Variants in PRKCG observed in about 807,000 individuals in gnomAD.
The protein encoded by PRKCG is protein kinase C gamma.
Under a neutral mutation model 82.0 loss-of-function variants are expected in PRKCG, and 28 were observed. That is an observed-to-expected ratio of 0.34 (90% CI 0.25 to 0.47). The LOEUF is 0.47. Among genes scored for constraint, PRKCG ranks in the 20% least tolerant of loss-of-function variants. The probability of loss-of-function intolerance (pLI) is 1.00; values close to 1 mark genes in which losing one functional copy is unlikely to be tolerated. For synonymous variants in PRKCG, 383 were observed against 376.6 expected (o/e 1.02, Z -0.20); for missense variants, 640 against 952.7 (o/e 0.67, Z 4.32).
At position 53,902,912 on chromosome 19, in the gene PRKCG, A is replaced by AAC. The variant is rs1555808301; in HGVS notation, c.1576-160_1576-159insCA. The stretch of plus-strand genomic sequence containing the variant: ...TGTCAAAAAAAAAAAAAAAAAAAAA[A>AAC]AAAACGAAACAAAAAATCACCTGAT... On this transcript the variant is annotated intron_variant, in intron 14 of 17. Transcript: ENST00000263431. Among the ~76,000 whole-genome samples the AAC allele has an allele frequency of 4.1e-4, 61 of 149,808 alleles. 2 individuals are homozygous for AAC. The highest frequency in any genetic ancestry group is 1.5e-3 in the African/African-American group (60 of 40,002).
rs139506301 is a variant in PRKCG, at chr19:53,893,033, G to A, written c.867G>A (p.Pro289=). Residue 289 remains proline, a synonymous_variant, in exon 8 of 18, where the codon CCG becomes CCA. Coordinates refer to ENST00000263431, the MANE Select transcript of PRKCG (RefSeq NM_002739.5). ...NQEEGEYYNV[P]VADADNCSLL... ...AGGAGGGCGAGTATTACAATGTGCCGGTGGCCGATGCTGACAACTGCAGCC... is the reference window on the plus strand; with the variant it reads ...AGGAGGGCGAGTATTACAATGTGCCAGTGGCCGATGCTGACAACTGCAGCC... 16 of 1,613,932 alleles carry A rather than the reference G, an allele frequency of 9.9e-6. No homozygotes were observed. The highest frequency in any genetic ancestry group is 3.3e-5 in the Admixed American group (2 of 59,992).
chr19:53,901,061 G>A (rs1162035397), intron 14 of PRKCG, among the ~76,000 whole-genome samples: 2 of 152,192 alleles, frequency 1.3e-5, no homozygotes, highest in Non-Finnish European at 2.9e-5. Flanking sequence ...AGGGGCAGAC[G>A]ATTTCTAGTG....
chr19:53,887,369 C>A (rs994023749), intron 3 of PRKCG, among the ~76,000 whole-genome samples: 1 of 151,698 alleles, frequency 6.6e-6, no homozygotes, highest in Admixed American at 6.6e-5. Flanking sequence ...TGGTGGCACA[C>A]GCCTGTAATC....
chr19:53,882,351 C>A lies in PRKCG; in HGVS notation c.-144C>A. The A allele has an allele frequency of 8.0e-7, 1 of 1,253,552 alleles. No homozygotes were observed. The highest frequency in any genetic ancestry group is 1.1e-6 in the Non-Finnish European group (1 of 899,046). 77.7% of individuals were successfully genotyped at this position (1,253,552 alleles called of 1,614,324 possible). A position where few individuals can be genotyped will look rare whatever the true frequency, so the allele number is the denominator to read the frequency against. On this transcript the variant is annotated 5_prime_UTR_variant, in exon 1 of 18. Coordinates refer to ENST00000263431, the MANE Select transcript of PRKCG (RefSeq NM_002739.5). This position sits in a 1 kb window ranked among gnomAD's most constrained non-coding sequence, Gnocchi z 6.1. ...GCCGCTCCCTGCCTGGCGCGCTCCG[C>A]ACCTGGAGGTGCCTTGCCCCTCTCC...
intron 9 of PRKCG, among the ~76,000 whole-genome samples, chr19:53,897,036 A>G (rs2068723022): frequency 1.3e-5 from 2 of 152,140 alleles, no homozygotes; most frequent in South Asian, 4.1e-4. Context: ...CTAACGGCAC[A>G]TCCAGAGGCC....
At chr19:53,893,316 C>T in intron 8 of PRKCG, 46 bp from the exon 9 acceptor site, 2 of 1,586,184 alleles carry the variant, frequency 1.3e-6, no homozygotes, top group Non-Finnish European at 1.7e-6. Flanking sequence ...CTAGGGCGAT[C>T]CCCTGCATCT....
At position 53,900,286 on chromosome 19, in the gene PRKCG, C is replaced by T. The variant is rs376161528; in HGVS notation, c.1335C>T (p.His445=). 4.3e-6 allele frequency: 7 copies of T among 1,614,034 alleles called. No individual in the cohort carries two copies. The highest frequency in any genetic ancestry group is 2.7e-5 in the African/African-American group (2 of 74,906). ...EYVTGGDLMY[H]IQQLGKFKEP... is the part of the protein sequence containing the mutation. ...TCACCGGGGGAGACTTGATGTACCA[C>T]ATTCAACAGCTGGGCAAGTTTAAGG... Residue 445 remains histidine (H), a synonymous_variant, in exon 12 of 18, where the codon CAC becomes CAT. Coordinates refer to ENST00000263431, the MANE Select transcript of PRKCG (RefSeq NM_002739.5). This position sits in a 1 kb window ranked among gnomAD's most constrained non-coding sequence, Gnocchi z 4.2.
Position 53,882,483 on chromosome 19 carries a change from G to A in PRKCG, c.-12G>A. On this transcript the variant is annotated 5_prime_UTR_variant, in exon 1 of 18. Transcript: ENST00000263431. This position sits in a 1 kb window ranked among gnomAD's most constrained non-coding sequence, Gnocchi z 6.1. ...AAGGCAGGATCCTGGTCCCTGCTAC[G>A]TTTCTGGGGCCATGGCTGGTCTGGG... is the stretch of plus-strand genomic sequence containing the variant. The A allele has an allele frequency of 6.2e-7, 1 of 1,611,750 alleles. No homozygotes were observed. The highest frequency in any genetic ancestry group is 8.5e-7 in the Non-Finnish European group (1 of 1,178,874).
chr19:53,891,667 C>G lies in PRKCG; in HGVS notation c.530-7C>G, dbSNP rs200356049. On this transcript the variant is annotated splice_polypyrimidine_tract_variant and splice_region_variant and intron_variant, in intron 5 of 17. Transcript: ENST00000263431. ...ACCCGTCACACTCTTCCTCACTCCC[C>G]GTTTAGTTGGCGAGGCCCGTAACCT... 3.7e-6 allele frequency: 6 copies of G among 1,613,608 alleles called. No homozygotes were observed. The highest frequency in any genetic ancestry group is 1.3e-5 in the African/African-American group (1 of 74,876).
rs777045504 is a variant in PRKCG, at chr19:53,882,402, C to G, written c.-93C>G. ...TGCCCACCTCGGAATTTCCCTGTGG[C>G]TCCTTTGATCCTTCGAGTCTCCAGC... On this transcript the variant is annotated 5_prime_UTR_variant, in exon 1 of 18. Coordinates refer to ENST00000263431, the MANE Select transcript of PRKCG (RefSeq NM_002739.5). The surrounding 1 kb of genome is among the most constrained non-coding windows in gnomAD (Gnocchi z 6.1). The G allele has an allele frequency of 2.0e-6, 3 of 1,532,230 alleles. No homozygotes were observed. Among genetic ancestry groups the G allele is most frequent in the Middle Eastern group, 1.7e-4 (1 of 5,794 alleles). The allele number at this position is 1,532,230 out of a possible 1,614,324, so 94.9% of individuals were successfully genotyped here. A position where few individuals can be genotyped will look rare whatever the true frequency, so the allele number is the denominator to read the frequency against.
chr19:53,887,258 GA>G (rs1395431570), intron 3 of PRKCG, among the ~76,000 whole-genome samples: 1 of 152,028 alleles, frequency 6.6e-6, no homozygotes, highest in Non-Finnish European at 1.5e-5. Flanking sequence ...AACACTTTGG[GA>G]GACCGAGGCG....
At position 53,882,294 on chromosome 19, in the gene PRKCG, G is replaced by A; in HGVS notation, c.-201G>A. ...TTTGGCTCTTCCTCCCCACTCGCCC[G>A]CTCCCCCTGGCGGAGCCGGCGCGCC... On this transcript the variant is annotated 5_prime_UTR_variant, in exon 1 of 18. Transcript: ENST00000263431. The surrounding 1 kb of genome is among the most constrained non-coding windows in gnomAD (Gnocchi z 6.1). 3 of 716,502 alleles carry A rather than the reference G, an allele frequency of 4.2e-6. No individual in the cohort carries two copies. The highest frequency in any genetic ancestry group is 2.8e-5 in the Admixed American group (1 of 35,412). 44.4% of individuals were successfully genotyped at this position (716,502 alleles called of 1,614,324 possible).
At chr19:53,890,966 G>A (rs1335062432) in intron 5 of PRKCG, among the ~76,000 whole-genome samples, 1 of 151,928 alleles carries the variant, frequency 6.6e-6, no homozygotes, top group Non-Finnish European at 1.5e-5. Context: ...TAGCCAGGCT[G>A]GTCTGGAACT....
chr19:53,895,114 A>G (rs938127446), intron 9 of PRKCG, among the ~76,000 whole-genome samples: 5 of 152,208 alleles, frequency 3.3e-5, no homozygotes, highest in African/African-American at 1.2e-4. Flanking sequence ...CACTGGGGAT[A>G]TAGAGAAAGC....
At position 53,906,791 on chromosome 19, in the gene PRKCG, A is replaced by G; in HGVS notation, c.1990A>G (p.Ser664Gly). The change falls in exon 18 of 18, where the codon AGC (serine) becomes GGC (glycine). Residue 664 changes from serine (S) to glycine (G), a missense_variant. Around this residue, in one of 7 missense-constraint regions of PRKCG, gnomAD observed 198 missense variants for 273.4 expected, o/e 0.72. Transcript: ENST00000263431. ...CCCTCCAGACCGCCTAGTCCTGGCC[A>G]GCATCGACCAGGCCGATTTCCAGGG... ...LTPPDRLVLA[S>G]IDQADFQGFT... The G allele has an allele frequency of 6.2e-7, 1 of 1,613,698 alleles. No individual in the cohort carries two copies. The highest frequency in any genetic ancestry group is 8.5e-7 in the Non-Finnish European group (1 of 1,180,014).
At chr19:53,890,726 C>T (rs543797209) in intron 5 of PRKCG, among the ~76,000 whole-genome samples, 5 of 149,248 alleles carry the variant, frequency 3.4e-5, no homozygotes, top group East Asian at 3.9e-4. Context: ...GAATTACAGG[C>T]GCCTGCCACC....
chr19:53,881,422 A>G (rs2068588377), upstream of PRKCG, among the ~76,000 whole-genome samples: 1 of 151,140 alleles, frequency 6.6e-6, no homozygotes, highest in African/African-American at 2.4e-5. Flanking sequence ...CCTGAGAGAG[A>G]ATAGAGATTC....
In PRKCG at chr19:53,889,644, C is replaced by T; in HGVS notation, c.292C>T (p.Arg98Trp). 1.2e-6 allele frequency: 2 copies of T among 1,614,014 alleles called. No individual in the cohort carries two copies. The highest frequency in any genetic ancestry group is 1.7e-6 in the Non-Finnish European group (2 of 1,179,974). Residue 98 changes from arginine (R) to tryptophan (W), a missense_variant, in exon 4 of 18, where the codon CGG becomes TGG. Coordinates refer to ENST00000263431, the MANE Select transcript of PRKCG (RefSeq NM_002739.5). This position sits in a 1 kb window ranked among gnomAD's most constrained non-coding sequence, Gnocchi z 4.4. ...CAGTCTTCTCTGCCCCCAGGACCCC[C>T]GGAACAAACACAAGTTCCGCCTGCA... ...AGKGPQTDDP[R>W]NKHKFRLHSY... is the part of the protein sequence containing the mutation.
intron 15 of PRKCG, 89 bp downstream of exon 15, chr19:53,903,242 A>C: frequency 9.8e-7 from 1 of 1,021,168 alleles, no homozygotes; most frequent in South Asian, 1.3e-5. Flanking sequence ...AAAGGAGCCC[A>C]GAAGGTTGTG....
Sources: allele counts gnomAD v4.1 joint callset (sites outside exome capture counted in the v4.1 genomes callset), GRCh38; gene constraint gnomAD v4.1.1; regional missense constraint gnomAD v4.1.1; non-coding constraint Gnocchi (gnomAD v3.1); transcripts MANE v1.5; gene names NCBI Gene and HGNC (gene_info 2026-07-23, HGNC 2026-07-21).